Variants in CCDC93 observed in about 807,000 individuals in gnomAD.
CCDC93 encodes the protein coiled-coil domain-containing protein 93.
In CCDC93, 61 loss-of-function variants were observed where a neutral mutation model predicts 108.2. The observed-to-expected ratio is 0.56, with a 90% CI of 0.46 to 0.70. The LOEUF is 0.70. Ranked by LOEUF, CCDC93 falls within the 30% of genes least tolerant of loss-of-function variation. The pLI, the probability that CCDC93 is intolerant of heterozygous loss-of-function variation, is 0.00. For synonymous variants in CCDC93, 276 were observed against 260.4 expected (o/e 1.06, Z -0.58); for missense variants, 685 against 764.2 (o/e 0.90, Z 1.22).
Position 117,941,220 on chromosome 2 carries a change from A to T in CCDC93, c.1491T>A (p.Tyr497Ter), listed in dbSNP as rs752603176. The change falls in exon 19 of 24, where the codon TAT becomes TAA. Residue 497 changes from tyrosine to a stop codon, truncating the protein, a stop_gained. Transcript: ENST00000376300. LOFTEE classifies it high-confidence loss of function. The stretch of plus-strand genomic sequence containing the variant: ...GGTAGAGTTCAATAAATCTCTTCTG[A>T]TACTGTATTAGCTCGGCACGGCTAG... ...EVPSRAELIQ[Y>*]QKRFIELYRQ... The T allele has an allele frequency of 6.2e-7, 1 of 1,613,684 alleles. No individual in the cohort carries two copies. Among genetic ancestry groups the T allele is most frequent in the Non-Finnish European group, 8.5e-7 (1 of 1,179,676 alleles).
intron 1 of CCDC93, chr2:118,012,827 T>C (rs1484299949): frequency 5.3e-5 from 8 of 152,228 alleles, no homozygotes. Flanking sequence ...AGACTATATA[T>C]ATTCCCAGCT....
intron 3 of CCDC93, among the ~76,000 whole-genome samples, chr2:118,002,206 G>A (rs1485958379): frequency 6.6e-6 from 1 of 152,178 alleles, no homozygotes; most frequent in Admixed American, 6.5e-5. Flanking sequence ...CAAGTTTTGG[G>A]TCTCCCAAAA....
intron 18 of CCDC93, among the ~76,000 whole-genome samples, chr2:117,941,869 C>CA (rs577733118): frequency 6.6e-6 from 1 of 152,354 alleles, no homozygotes; most frequent in South Asian, 2.1e-4. Context: ...GGGGCAGCTG[C>CA]AGGGAGAGCA....
chr2:118,009,348 ACG>A (rs1676962728), intron 1 of CCDC93, among the ~76,000 whole-genome samples: 1 of 151,936 alleles, frequency 6.6e-6, no homozygotes, highest in Admixed American at 6.6e-5. Context: ...TCCAGCCTGG[ACG>A]ACAGAGCAAG....
At chr2:117,944,931 C>A in intron 17 of CCDC93, 1 of 403,614 alleles carries the variant, frequency 2.5e-6, no homozygotes, top group Non-Finnish European at 5.0e-6. Context: ...GCGGAGAGCA[C>A]TGGTTTAACT....
intron 22 of CCDC93, among the ~76,000 whole-genome samples, chr2:117,933,638 T>G (rs1048984235): frequency 6.6e-6 from 1 of 151,948 alleles, no homozygotes; most frequent in African/African-American, 2.4e-5. Flanking sequence ...AACCTGTGCT[T>G]GAGAGGACAG....
At chr2:117,965,358 G>A (rs1191743041) in intron 11 of CCDC93, among the ~76,000 whole-genome samples, 1 of 152,090 alleles carries the variant, frequency 6.6e-6, no homozygotes, top group Non-Finnish European at 1.5e-5. Context: ...TCACACAGGT[G>A]GCAGATCAGG....
chr2:117,948,899 G>C lies in CCDC93; in HGVS notation c.1142+423C>G, dbSNP rs758803815. 5.8e-4 allele frequency among the ~76,000 whole-genome samples: 88 copies of C among 152,280 alleles called. No individual in the cohort carries two copies. The Middle Eastern group carries it at 0.017, about 30-fold the overall frequency. On this transcript the variant is annotated intron_variant, in intron 14 of 23. Transcript: ENST00000376300. ...ACAACTACAGCAGCAGCTGTGTCTTGACAGAAAAGACTGCACCTTTTCTAC... is the reference window on the plus strand; with the variant it reads ...ACAACTACAGCAGCAGCTGTGTCTTCACAGAAAAGACTGCACCTTTTCTAC...
intron 11 of CCDC93, 116 bp downstream of exon 11, chr2:117,973,792 G>A: frequency 1.3e-6 from 1 of 748,040 alleles, no homozygotes. Flanking sequence ...TGACTAACGT[G>A]GCTGGTGAGT....
chr2:117,962,501 G>A (rs963478298), intron 11 of CCDC93, among the ~76,000 whole-genome samples: 1 of 152,084 alleles, frequency 6.6e-6, no homozygotes, highest in Admixed American at 6.5e-5. Context: ...AAATTAGCCA[G>A]GCATAGTGGC....
intron 5 of CCDC93, 39 bp from the exon 6 acceptor site, chr2:117,995,541 G>GA: frequency 6.5e-7 from 1 of 1,534,010 alleles, no homozygotes; most frequent in South Asian, 1.1e-5. Context: ...AATCCCAAGG[G>GA]AAAATTAAAA....
intron 22 of CCDC93, among the ~76,000 whole-genome samples, chr2:117,932,711 G>A (rs751504380): frequency 1.3e-5 from 2 of 152,158 alleles, no homozygotes; most frequent in East Asian, 1.9e-4. Context: ...GATCCCTGTC[G>A]ATGGAACCCC....
chr2:117,949,897 G>A (rs2104742515), intron 13 of CCDC93: 2 of 985,388 alleles, frequency 2.0e-6, no homozygotes, highest in South Asian at 9.4e-5. Context: ...GAAGCTGTGT[G>A]GAGTTAGCAG....
rs544949941 is a variant in CCDC93 at position 117,968,030 on chromosome 2, G to A, written c.888+5878C>T. Among the ~76,000 whole-genome samples, 5 of 152,320 alleles carry A rather than the reference G, an allele frequency of 3.3e-5. No individual in the cohort carries two copies. In the East Asian group the frequency reaches 9.6e-4, roughly 29 times the overall value. ...TTCAGATTCACCAAGACAAATCTGT[G>A]CCTCTAGAGCTATAAAATATTCAGA... On this transcript the variant is annotated intron_variant, in intron 11 of 23. Coordinates refer to ENST00000376300, the MANE Select transcript of CCDC93 (RefSeq NM_019044.5).
chr2:117,928,140 C>T (rs1048719993), intron 23 of CCDC93, among the ~76,000 whole-genome samples: 1 of 152,176 alleles, frequency 6.6e-6, no homozygotes, highest in African/African-American at 2.4e-5. Context: ...AAATGTGAGA[C>T]CTAAAACCAT....
At chr2:117,937,586 C>G (rs1189319023) in intron 20 of CCDC93, among the ~76,000 whole-genome samples, 4 of 152,224 alleles carry the variant, frequency 2.6e-5, no homozygotes, top group African/African-American at 9.6e-5. Context: ...GCTCCCCAGT[C>G]TGCCTCGCAA....
chr2:118,011,134 C>A (rs919812391), intron 1 of CCDC93, among the ~76,000 whole-genome samples: 1 of 152,118 alleles, frequency 6.6e-6, no homozygotes, highest in Non-Finnish European at 1.5e-5. Context: ...TCTACTAATG[C>A]TTACATAAAG....
At chr2:117,943,891 A>T (rs921505586) in intron 18 of CCDC93, 133 bp downstream of exon 18, 2 of 566,770 alleles carry the variant, frequency 3.5e-6, no homozygotes, top group African/African-American at 1.9e-5. Flanking sequence ...CCAGATAGAA[A>T]GAAGACTGGG....
chr2:117,985,146 C>CAAAACAA (rs1389568293), intron 7 of CCDC93, among the ~76,000 whole-genome samples: 1 of 141,066 alleles, frequency 7.1e-6, no homozygotes, highest in Admixed American at 7.1e-5. Context: ...CAAAACAAAA[C>CAAAACAA]AAAAAAAAAA....
Sources: allele counts gnomAD v4.1 joint callset (sites outside exome capture counted in the v4.1 genomes callset), GRCh38; gene constraint gnomAD v4.1.1; transcripts MANE v1.5; gene names NCBI Gene and HGNC (gene_info 2026-07-23, HGNC 2026-07-21).